The following BIN2 variants were observed in gnomAD, a reference collection of about 807,000 sequenced individuals.
BIN2 encodes breast cancer associated protein BRAP1.
Under a neutral mutation model 67.9 loss-of-function variants are expected in BIN2, and 43 were observed. The observed-to-expected ratio is 0.63, with a 90% CI of 0.50 to 0.82. The LOEUF (loss-of-function observed/expected upper bound fraction) is 0.82. Among genes scored for constraint, BIN2 ranks in the 40% least tolerant of loss-of-function variants. The pLI is 0.00. For missense variants in BIN2, 581 were observed against 671.6 expected, an observed-to-expected ratio of 0.87 and a Z score of 1.49; for synonymous variants, 244 against 246.8, an observed-to-expected ratio of 0.99 and a Z score of 0.11.
chr12:51,299,056 CAGAGTG>C (rs1190330799), intron 7 of BIN2, 141 bp downstream of exon 7: 12 of 594,530 alleles, frequency 2.0e-5, no homozygotes, highest in Non-Finnish European at 3.5e-5. Flanking sequence ...GCCTGGGTGA[CAGAGTG>C]AGACCCTGTC....
At position 51,281,396 on chromosome 12, in the gene BIN2, C is replaced by A. The variant is rs756806411; in HGVS notation, c.*103G>T. On this transcript the variant is annotated 3_prime_UTR_variant, in exon 13 of 13. Coordinates refer to ENST00000615107, the MANE Select transcript of BIN2 (RefSeq NM_016293.4). ...ACAGCACCAGCATTCCTACTGAGAA[C>A]CCAGGGATGGATGCTGGCTCTTATA... 2 of 1,289,448 alleles carry A rather than the reference C, an allele frequency of 1.6e-6. No homozygotes were observed. Among genetic ancestry groups the A allele is most frequent in the Non-Finnish European group, 1.1e-6 (1 of 888,420 alleles). 79.9% of individuals were successfully genotyped at this position (1,289,448 alleles called of 1,614,324 possible). A position where few individuals can be genotyped will look rare whatever the true frequency, so the allele number is the denominator to read the frequency against.
chr12:51,283,242 C>T (rs1054750592), intron 12 of BIN2, among the ~76,000 whole-genome samples: 6 of 136,892 alleles, frequency 4.4e-5, no homozygotes, highest in East Asian at 4.4e-4. Context: ...CCAGCCTGGG[C>T]GACCGAGAGA....
rs1946092961 is a variant in BIN2, at chr12:51,315,249, A to C, written c.82-1346T>G. 3.3e-5 allele frequency among the ~76,000 whole-genome samples: 5 copies of C among 151,762 alleles called. No individual in the cohort carries two copies. The South Asian group carries it at 1.0e-3, about 32-fold the overall frequency. On this transcript the variant is annotated intron_variant, in intron 1 of 12. Coordinates refer to ENST00000615107, the MANE Select transcript of BIN2 (RefSeq NM_016293.4). ...CAGTGGCACTATCTCGGCTCACTGC[A>C]AGCTCCGCCTCCCGGGTTCACGCCA...
At chr12:51,310,835 A>C (rs758240873) in intron 2 of BIN2, among the ~76,000 whole-genome samples, 5 of 152,084 alleles carry the variant, frequency 3.3e-5, no homozygotes, top group Non-Finnish European at 7.3e-5. Flanking sequence ...AACAAAGCTC[A>C]CTGTAGCCTC....
chr12:51,323,009 C>T (rs1946325896), intron 1 of BIN2: 1 of 152,264 alleles, frequency 6.6e-6, no homozygotes, highest in African/African-American at 2.4e-5. Flanking sequence ...AGTTGGTAAG[C>T]AGAGCTGTTC....
chr12:51,311,051 T>A (rs2137423758), intron 2 of BIN2, among the ~76,000 whole-genome samples: 1 of 151,676 alleles, frequency 6.6e-6, no homozygotes. Flanking sequence ...GTTGGGCCTA[T>A]TATTAATTTT....
intron 1 of BIN2, among the ~76,000 whole-genome samples, chr12:51,321,336 T>C (rs1946275362): frequency 1.3e-5 from 2 of 152,164 alleles, no homozygotes; most frequent in Admixed American, 6.5e-5. Context: ...GCTTAAAGTG[T>C]TGAATAGATG....
chr12:51,307,821 A>G (rs1310453767), intron 2 of BIN2, among the ~76,000 whole-genome samples: 2 of 152,214 alleles, frequency 1.3e-5, no homozygotes, highest in African/African-American at 2.4e-5. Context: ...GCTACCATGC[A>G]TAAATGCACA....
At chr12:51,324,371 C>T (rs1025748716), upstream of BIN2, 110 of 1,305,260 alleles carry the variant, frequency 8.4e-5, no homozygotes, top group South Asian at 2.2e-4. Context: ...CCCGAAACCT[C>T]GGCCTCACTG....
intron 10 of BIN2, 110 bp from the exon 11 acceptor site, chr12:51,288,298 A>C: frequency 1.2e-6 from 1 of 828,216 alleles, no homozygotes; most frequent in Non-Finnish European, 2.0e-6. Flanking sequence ...GAGGCTCCCG[A>C]GGTAGCCTTG....
rs761578835 is a variant in BIN2, at chr12:51,299,260, G to C, written c.545C>G (p.Thr182Ser). The C allele has an allele frequency of 1.2e-6, 2 of 1,613,834 alleles. No individual in the cohort carries two copies. Among genetic ancestry groups the C allele is most frequent in the Non-Finnish European group, 1.7e-6 (2 of 1,179,746 alleles). ...TTCTTGGTTCAGATCTTCAAACACA[G>C]TCTGGGCTTTGTTGAACTCTTCCTC... ...KAEEEFNKAQ[T>S]VFEDLNQELL... The change falls in exon 7 of 13, where the codon ACT (threonine) becomes AGT (serine). Residue 182 changes from threonine (T) to serine (S), a missense_variant. Coordinates refer to ENST00000615107, the MANE Select transcript of BIN2 (RefSeq NM_016293.4).
intron 2 of BIN2, among the ~76,000 whole-genome samples, chr12:51,308,468 C>T (rs564638026): frequency 2.0e-5 from 3 of 152,240 alleles, no homozygotes; most frequent in African/African-American, 7.2e-5. Flanking sequence ...GTCAGGAGGA[C>T]AGAGCTAGGT....
At chr12:51,297,024 C>T in intron 8 of BIN2, 65 bp downstream of exon 8, 1 of 1,435,544 alleles carries the variant, frequency 7.0e-7, no homozygotes, top group South Asian at 1.2e-5. Flanking sequence ...TCATGTAAGT[C>T]AAGGCTACCT....
In BIN2 at chr12:51,288,142, T is replaced by C; in HGVS notation, c.1562A>G (p.Lys521Arg). The change falls in exon 11 of 13, where the codon AAG becomes AGG. Residue 521 changes from lysine (K) to arginine (R), a missense_variant. Transcript: ENST00000615107. ...GEAKKMEDKEKDNKLISANSS... is the reference protein window; with the variant it reads ...GEAKKMEDKERDNKLISANSS... ...GTTAGCTGAGATAAGCTTATTATCC[T>C]TTTCCTTGTCTTCCATCTTCTTTGC... The C allele has an allele frequency of 6.2e-7, 1 of 1,613,502 alleles. No homozygotes were observed. The highest frequency in any genetic ancestry group is 8.5e-7 in the Non-Finnish European group (1 of 1,179,494).
Position 51,297,886 on chromosome 12 carries a change from A to G in BIN2, c.603-722T>C, listed in dbSNP as rs1037033468. 3.3e-5 allele frequency among the ~76,000 whole-genome samples: 5 copies of G among 152,194 alleles called. No individual in the cohort carries two copies. The South Asian group carries it at 8.3e-4, about 25-fold the overall frequency. On this transcript the variant is annotated intron_variant, in intron 7 of 12. Transcript: ENST00000615107. ...AATACAGGATGACTTCTGCGCCTGT[A>G]TGTACATTAATGGAATTCTCCTGTA...
At chr12:51,298,583 A>G (rs1262746842) in intron 7 of BIN2, among the ~76,000 whole-genome samples, 4 of 151,888 alleles carry the variant, frequency 2.6e-5, no homozygotes, top group African/African-American at 9.7e-5. Flanking sequence ...TAAAAAATAA[A>G]ATTTCAATTT....
intron 12 of BIN2, among the ~76,000 whole-genome samples, chr12:51,284,035 A>G (rs1228063081): frequency 2.0e-5 from 3 of 151,684 alleles, no homozygotes; most frequent in Non-Finnish European, 4.4e-5. Context: ...TTAATGGTGT[A>G]GCCTAAGTGT....
Position 51,322,292 on chromosome 12 carries a change from CAAAGGAGTG to C in BIN2, c.81+1721_81+1729del, listed in dbSNP as rs565858450. Among the ~76,000 whole-genome samples the C allele has an allele frequency of 6.3e-3, 956 of 152,302 alleles. 3 individuals carry two copies. The highest frequency in any genetic ancestry group is 0.01 in the Non-Finnish European group (697 of 68,034). On this transcript the variant is annotated intron_variant, in intron 1 of 12. Coordinates refer to ENST00000615107, the MANE Select transcript of BIN2 (RefSeq NM_016293.4). The stretch of plus-strand genomic sequence containing the variant: ...AGCCAAGGTTTGGAGTCTATGCTTA[CAAAGGAGTG>C]AAAGCCCAAAGCAAGGTTTTAGTGT...
intron 9 of BIN2, among the ~76,000 whole-genome samples, 196 bp from the exon 10 acceptor site, chr12:51,292,540 G>A (rs918843925): frequency 6.6e-6 from 1 of 152,176 alleles, no homozygotes; most frequent in Admixed American, 6.5e-5. Context: ...ACTCAATTAT[G>A]TAAAAATATG....
Sources: allele counts gnomAD v4.1 joint callset (sites outside exome capture counted in the v4.1 genomes callset), GRCh38; gene constraint gnomAD v4.1.1; transcripts MANE v1.5; gene names NCBI Gene and HGNC (gene_info 2026-07-23, HGNC 2026-07-21).